Variants in DSTYK observed in about 807,000 individuals in gnomAD.
DSTYK encodes RIP-homologous kinase.
A neutral mutation model predicts 98.7 loss-of-function variants in DSTYK; 34 were observed. The ratio of observed to expected loss-of-function variants is 0.34; its 90% CI spans 0.26 to 0.46. The LOEUF (loss-of-function observed/expected upper bound fraction) is 0.46. Ranked by LOEUF, DSTYK falls within the 20% of genes least tolerant of loss-of-function variation. The probability of loss-of-function intolerance (pLI) is 1.00; values close to 1 mark genes in which losing one functional copy is unlikely to be tolerated. For synonymous variants in DSTYK, 462 were observed against 457.3 expected, an observed-to-expected ratio of 1.01 and a Z score of -0.13; for missense variants, 962 against 1,181.7, an observed-to-expected ratio of 0.81 and a Z score of 2.73.
At chr1:205,191,466 TTC>T (rs1658711138) in intron 1 of DSTYK, among the ~76,000 whole-genome samples, 1 of 152,212 alleles carries the variant, frequency 6.6e-6, no homozygotes, top group Admixed American at 6.5e-5. Context: ...CACTCGATCT[TTC>T]TGAGCCTTGA....
Position 205,207,755 on chromosome 1 carries a change from C to CAAAAAAAAAAA in DSTYK, c.265+3505_265+3515dup, listed in dbSNP as rs766036213. Among the ~76,000 whole-genome samples the CAAAAAAAAAAA allele has an allele frequency of 3.6e-4, 19 of 52,724 alleles. 1 individual carries two copies. Among genetic ancestry groups the CAAAAAAAAAAA allele is most frequent in the South Asian group, 8.1e-4 (1 of 1,242 alleles). The allele number at this position is 52,724 out of a possible 152,430, so 34.6% of individuals were successfully genotyped here. On this transcript the variant is annotated intron_variant, in intron 1 of 12. Transcript: ENST00000367162. ...TGGGCAATACAGAGAGACTCTGTCT[C>CAAAAAAAAAAA]AAAAAAAAAAAAAAAAAAAAAAAAA...
rs2102369683 is a variant in DSTYK, at chr1:205,146,324, C to T, written c.*1234G>A. 6.6e-6 allele frequency: 1 copy of T among 152,198 alleles called. No individual in the cohort carries two copies. Among genetic ancestry groups the T allele is most frequent in the Middle Eastern group, 3.4e-3 (1 of 294 alleles). 9.4% of individuals were successfully genotyped at this position (152,198 alleles called of 1,614,324 possible). ...TCATCTCCCACCTCTCAGTTCTCAC[C>T]CAAATACTTCGCATTGGGTTGGTTT... On this transcript the variant is annotated 3_prime_UTR_variant, in exon 13 of 13. Coordinates refer to ENST00000367162, the MANE Select transcript of DSTYK (RefSeq NM_015375.3).
intron 3 of DSTYK, among the ~76,000 whole-genome samples, chr1:205,166,657 T>C (rs1657900132): frequency 1.3e-5 from 2 of 152,184 alleles, no homozygotes; most frequent in Admixed American, 1.3e-4. Context: ...GATGCTCTGG[T>C]GTCTTTAATC....
intron 1 of DSTYK, among the ~76,000 whole-genome samples, chr1:205,205,405 T>G (rs1178748550): frequency 6.6e-6 from 1 of 152,154 alleles, no homozygotes; most frequent in Non-Finnish European, 1.5e-5. Flanking sequence ...TCATACAAAT[T>G]TCTAAGATGA....
chr1:205,178,599 T>A (rs576341348), intron 2 of DSTYK, among the ~76,000 whole-genome samples: 25 of 152,206 alleles, frequency 1.6e-4, no homozygotes, highest in Non-Finnish European at 2.1e-4. Context: ...ATGAAGAACG[T>A]TCTCTCTAAT....
rs1558596083 is a variant in DSTYK at position 205,147,566 on chromosome 1, AATC to A, written c.2779_2781del (p.Asp927del). ...GAGAAAGGTCTTTGCTTTCAAGTAG[AATC>A]ATCTAGTCCTCTGTTTGGCTGCTCA... On this transcript the variant is annotated inframe_deletion, in exon 13 of 13. Coordinates refer to ENST00000367162, the MANE Select transcript of DSTYK (RefSeq NM_015375.3). The A allele has an allele frequency of 6.2e-7, 1 of 1,604,468 alleles. No homozygotes were observed. The highest frequency in any genetic ancestry group is 2.2e-5 in the East Asian group (1 of 44,528).
At chr1:205,202,468 A>T (rs1659071181) in intron 1 of DSTYK, 1 of 803,994 alleles carries the variant, frequency 1.2e-6, no homozygotes, top group Non-Finnish European at 2.2e-6. Context: ...TTTGCTACAC[A>T]TGCTTAAAAA....
At chr1:205,208,215 A>G (rs547655908) in intron 1 of DSTYK, among the ~76,000 whole-genome samples, 5 of 152,298 alleles carry the variant, frequency 3.3e-5, no homozygotes, top group Admixed American at 2.0e-4. Flanking sequence ...TGTACATTAC[A>G]TATTCTCTAC....
intron 2 of DSTYK, among the ~76,000 whole-genome samples, chr1:205,170,908 G>A (rs996246766): frequency 6.6e-6 from 1 of 151,952 alleles, no homozygotes; most frequent in African/African-American, 2.4e-5. Context: ...AGGCAAACCT[G>A]ATGGTGGAAG....
intron 1 of DSTYK, among the ~76,000 whole-genome samples, chr1:205,209,141 G>T (rs902913294): frequency 4.6e-5 from 7 of 152,094 alleles, no homozygotes; most frequent in African/African-American, 1.7e-4. Context: ...GTTTTTTAAA[G>T]AATAAAAACA....
chr1:205,189,803 A>G (rs1276610401), intron 1 of DSTYK, among the ~76,000 whole-genome samples: 1 of 152,234 alleles, frequency 6.6e-6, no homozygotes, highest in Non-Finnish European at 1.5e-5. Context: ...CAGCAACACC[A>G]GACACTGAAA....
intron 2 of DSTYK, chr1:205,173,066 A>G (rs1658114616): frequency 1.3e-5 from 2 of 152,202 alleles, no homozygotes; most frequent in African/African-American, 2.4e-5. Context: ...ATAATCACAT[A>G]TAACAATGAG....
At chr1:205,165,168 A>G (rs558699432) in intron 3 of DSTYK, among the ~76,000 whole-genome samples, 3 of 152,218 alleles carry the variant, frequency 2.0e-5, no homozygotes, top group Admixed American at 2.0e-4. Flanking sequence ...ATCTCGGCTC[A>G]CTGCAACCTC....
At chr1:205,164,468 T>TC (rs1657827893) in intron 3 of DSTYK, among the ~76,000 whole-genome samples, 2 of 151,306 alleles carry the variant, frequency 1.3e-5, no homozygotes, top group Admixed American at 1.3e-4. Context: ...TTGTTAGCTT[T>TC]TTTTTTTTTT....
intron 1 of DSTYK, among the ~76,000 whole-genome samples, chr1:205,195,522 A>G (rs12129162): frequency 0.49 from 74,983 of 152,078 alleles, 21,340 homozygotes; most frequent in Non-Finnish European, 0.63. Context: ...CTCATTTAAG[A>G]CAAACAGATG....
At chr1:205,181,715 GT>G (rs1025604305) in intron 2 of DSTYK, among the ~76,000 whole-genome samples, 1 of 144,640 alleles carries the variant, frequency 6.9e-6, no homozygotes, top group African/African-American at 2.5e-5. Flanking sequence ...CAGGGGTGTG[GT>G]TTTTTTTGAG....
chr1:205,209,128 G>A (rs1659290130), intron 1 of DSTYK, among the ~76,000 whole-genome samples: 1 of 152,144 alleles, frequency 6.6e-6, no homozygotes, highest in African/African-American at 2.4e-5. Flanking sequence ...TATGTCTTAA[G>A]TTGTTTTTTA....
intron 5 of DSTYK, 71 bp downstream of exon 5, chr1:205,162,852 T>C: frequency 8.6e-7 from 1 of 1,160,920 alleles, no homozygotes. Flanking sequence ...ATCTGTTTCC[T>C]ACTGGGGTCA....
chr1:205,204,335 T>G (rs899535189), intron 1 of DSTYK, among the ~76,000 whole-genome samples: 1 of 152,094 alleles, frequency 6.6e-6, no homozygotes, highest in Non-Finnish European at 1.5e-5. Context: ...ACTGGGAGCC[T>G]AGAGACTCGG....
Sources: gnomAD v4.1 joint callset for allele counts (sites outside exome capture counted in the v4.1 genomes callset) on GRCh38, gnomAD v4.1.1 for gene constraint, MANE v1.5 for transcripts, NCBI Gene and HGNC (gene_info 2026-07-23, HGNC 2026-07-21) for gene names.